KNG1: variants seen among roughly 807,000 people sequenced by gnomAD.
KNG1 encodes kininogen-1.
In KNG1, 23 loss-of-function variants were observed where a neutral mutation model predicts 47.8. The ratio of observed to expected loss-of-function variants is 0.48; its 90% CI spans 0.35 to 0.68. The LOEUF (loss-of-function observed/expected upper bound fraction) is 0.68. Among genes scored for constraint, KNG1 ranks in the 30% least tolerant of loss-of-function variants. The pLI is 0.01. For synonymous variants in KNG1, 277 were observed against 277.0 expected, an observed-to-expected ratio of 1.00 and a Z score of 0.00; for missense variants, 762 against 790.2, an observed-to-expected ratio of 0.96 and a Z score of 0.43.
At chr3:186,720,784 C>CTTTTTTTTTTTTT (rs1167537831) in intron 2 of KNG1, among the ~76,000 whole-genome samples, 3 of 89,778 alleles carry the variant, frequency 3.3e-5, no homozygotes, top group African/African-American at 4.6e-5. Context: ...TGTTGTTTTG[C>CTTTTTTTTTTTTT]TTTTTTTTTT....
chr3:186,738,730 C>T (rs1404653987), intron 7 of KNG1: 2 of 253,188 alleles, frequency 7.9e-6, no homozygotes, highest in Non-Finnish European at 1.5e-5. Flanking sequence ...ACTGTAATCC[C>T]AGCTACTCAG....
intron 4 of KNG1, among the ~76,000 whole-genome samples, chr3:186,726,034 A>C (rs555910823): frequency 6.6e-6 from 1 of 150,466 alleles, no homozygotes; most frequent in South Asian, 2.1e-4. Context: ...AGGTTCAAGC[A>C]ATTCTCCTGC....
intron 7 of KNG1, chr3:186,736,098 A>G (rs1720664836): frequency 6.6e-6 from 1 of 152,244 alleles, no homozygotes; most frequent in Non-Finnish European, 1.5e-5. Flanking sequence ...TCAACATTCT[A>G]GTATGCATAT....
At chr3:186,722,389 T>C (rs780591958) in intron 2 of KNG1, 48 bp from the exon 3 acceptor site, 1 of 1,458,586 alleles carries the variant, frequency 6.9e-7, no homozygotes, top group East Asian at 2.3e-5. Flanking sequence ...TAGGTAGACT[T>C]TCCCATCTGA....
intron 2 of KNG1, 101 bp from the exon 3 acceptor site, chr3:186,722,336 T>C (rs1381719870): frequency 1.6e-5 from 15 of 936,044 alleles, no homozygotes; most frequent in Non-Finnish European, 2.3e-5. Flanking sequence ...ACAAGTTTTG[T>C]TTTGTTTTGC....
chr3:186,732,396 C>T, intron 6 of KNG1, 106 bp from the exon 7 acceptor site: 2 of 1,035,790 alleles, frequency 1.9e-6, no homozygotes, highest in Non-Finnish European at 3.0e-6. Context: ...GGCCTGGGCT[C>T]CCATGTAGCC....
rs1004777817 is a variant in KNG1, at chr3:186,743,895, G to A, written c.*1564G>A. The A allele has an allele frequency of 3.8e-6, 3 of 789,494 alleles. No homozygotes were observed. The highest frequency in any genetic ancestry group is 6.7e-6 in the Non-Finnish European group (3 of 447,068). The allele number at this position is 789,494 out of a possible 1,614,324, so 48.9% of individuals were successfully genotyped here. Reference sequence around the variant, plus strand: ...GGATAGAATTTAAATAGAGAAGAATGCCATTTTATCACTCTGCCTCTGGGT... The same window carrying A: ...GGATAGAATTTAAATAGAGAAGAATACCATTTTATCACTCTGCCTCTGGGT... On this transcript the variant is annotated 3_prime_UTR_variant, in exon 10 of 10. Coordinates refer to ENST00000644859, the MANE Select transcript of KNG1 (RefSeq NM_001102416.3).
intron 7 of KNG1, among the ~76,000 whole-genome samples, chr3:186,733,586 G>A (rs1340759767): frequency 6.6e-6 from 1 of 152,136 alleles, no homozygotes; most frequent in Non-Finnish European, 1.5e-5. Context: ...CATAGCATCT[G>A]CCGCTCACAT....
chr3:186,735,203 G>A (rs925834425), intron 7 of KNG1, among the ~76,000 whole-genome samples: 2 of 152,008 alleles, frequency 1.3e-5, no homozygotes, highest in Admixed American at 6.6e-5. Flanking sequence ...AGAGAGACGC[G>A]GGCCAGACAT....
rs141971295 is a variant in KNG1 at position 186,725,165 on chromosome 3, G to A, written c.469G>A (p.Glu157Lys). The A allele has an allele frequency of 6.2e-7, 1 of 1,614,006 alleles. No homozygotes were observed. The highest frequency in any genetic ancestry group is 1.3e-5 in the African/African-American group (1 of 74,902). Residue 157 changes from glutamate to lysine, a missense_variant, in exon 4 of 10, where the codon GAG (glutamate) becomes AAG (lysine). Physicochemically the swap from Glu to Lys is moderately conservative, Grantham distance 56. Coordinates refer to ENST00000644859, the MANE Select transcript of KNG1 (RefSeq NM_001102416.3). Reference sequence around the variant, plus strand: ...TATATCAACGCAGAGCCCAGACCTGGAGCCCATTCTGAGACACGGCATTCA... The same window carrying A: ...TATATCAACGCAGAGCCCAGACCTGAAGCCCATTCTGAGACACGGCATTCA... ...HPISTQSPDL[E>K]PILRHGIQYF...
chr3:186,741,687 T>C lies in KNG1; in HGVS notation c.1291T>C (p.Trp431Arg). 6.2e-7 allele frequency: 1 copy of C among 1,614,066 alleles called. No homozygotes were observed. Among genetic ancestry groups the C allele is most frequent in the East Asian group, 2.2e-5 (1 of 44,892 alleles). ...ACAAGGGCATACTCGTAGACATGAC[T>C]GGGGCCATGAAAAACAAAGAAAACA... ...KEQGHTRRHD[W>R]GHEKQRKHNL... The change falls in exon 10 of 10, where the codon TGG becomes CGG. Residue 431 changes from tryptophan (W) to arginine (R), a missense_variant. Physicochemically the swap from Trp to Arg is moderately radical, Grantham distance 101. Coordinates refer to ENST00000644859, the MANE Select transcript of KNG1 (RefSeq NM_001102416.3).
intron 5 of KNG1, among the ~76,000 whole-genome samples, chr3:186,730,267 T>C (rs1054885834): frequency 4.6e-5 from 7 of 152,186 alleles, no homozygotes; most frequent in Admixed American, 2.6e-4. Flanking sequence ...GAGATTATTT[T>C]TTCTTTTTGG....
At position 186,742,049 on chromosome 3, in the gene KNG1, A is replaced by G; in HGVS notation, c.1653A>G (p.Leu551=). 1 of 1,613,998 alleles carries G rather than the reference A, an allele frequency of 6.2e-7. No homozygotes were observed. Residue 551 remains leucine, a synonymous_variant, in exon 10 of 10, where the codon CTA becomes CTG. Transcript: ENST00000644859. Reference sequence around the variant, plus strand: ...AAGGGCCAACACCCATCCCTTCCCTAGCCAAGCCAGGTGTAACAGTTACCT... The same window carrying G: ...AAGGGCCAACACCCATCCCTTCCCTGGCCAAGCCAGGTGTAACAGTTACCT... The part of the protein sequence containing the change: ...KTEGPTPIPS[L]AKPGVTVTFS...
chr3:186,722,390 TC>T, intron 2 of KNG1, 46 bp from the exon 3 acceptor site: 2 of 1,460,724 alleles, frequency 1.4e-6, no homozygotes, highest in Non-Finnish European at 1.9e-6. Context: ...AGGTAGACTT[TC>T]CCATCTGAAA....
At chr3:186,735,312 T>C (rs1382583342) in intron 7 of KNG1, among the ~76,000 whole-genome samples, 1 of 152,054 alleles carries the variant, frequency 6.6e-6, no homozygotes, top group Non-Finnish European at 1.5e-5. Context: ...AGCAAGACCC[T>C]GTCTCTACAA....
chr3:186,734,568 C>T (rs1478560223), intron 7 of KNG1: 1 of 152,092 alleles, frequency 6.6e-6, no homozygotes, highest in East Asian at 1.9e-4. Context: ...TGAGACCAGC[C>T]TGGGCAACAT....
chr3:186,720,539 G>T, intron 2 of KNG1: 1 of 348,614 alleles, frequency 2.9e-6, no homozygotes, highest in East Asian at 7.0e-5. Context: ...GGAGGGGGTG[G>T]GTGCTTCCAT....
At chr3:186,722,981 G>A (rs537007773) in intron 3 of KNG1, among the ~76,000 whole-genome samples, 18 of 152,020 alleles carry the variant, frequency 1.2e-4, no homozygotes, top group African/African-American at 3.9e-4. Flanking sequence ...ATGCCTGGAG[G>A]TACAATCATA....
At chr3:186,725,918 G>GAA (rs59230183) in intron 4 of KNG1, among the ~76,000 whole-genome samples, 23 of 144,214 alleles carry the variant, frequency 1.6e-4, no homozygotes, top group African/African-American at 2.8e-4. Context: ...CATATCATCA[G>GAA]AAAAAAAAAA....
Sources: gnomAD v4.1 joint callset for allele counts (sites outside exome capture counted in the v4.1 genomes callset) on GRCh38, gnomAD v4.1.1 for gene constraint, MANE v1.5 for transcripts, NCBI Gene and HGNC (gene_info 2026-07-23, HGNC 2026-07-21) for gene names.